The following ADCY3 variants were observed in gnomAD, a reference collection of about 807,000 sequenced individuals.
The protein encoded by ADCY3 is adenylate cyclase type 3.
ADCY3 carries 70 observed loss-of-function variants against 119.4 expected under a neutral mutation model. The observed-to-expected ratio is 0.59, with a 90% CI of 0.48 to 0.72. The LOEUF is 0.72. Among genes scored for constraint, ADCY3 ranks in the 30% least tolerant of loss-of-function variants. ADCY3 has a pLI of 0.00. For missense variants in ADCY3, 1,238 were observed against 1,541.6 expected, an observed-to-expected ratio of 0.80 and a Z score of 3.30; for synonymous variants, 672 against 621.4, an observed-to-expected ratio of 1.08 and a Z score of -1.21.
At chr2:24,821,046 C>A (rs1667594183) in intron 20 of ADCY3, 198 bp from the exon 21 acceptor site, 1 of 704,798 alleles carries the variant, frequency 1.4e-6, no homozygotes. Context: ...TGTCAGCCGC[C>A]ACCCCCCCCC....
At chr2:24,870,313 C>T (rs557387746) in intron 3 of ADCY3, among the ~76,000 whole-genome samples, 4 of 122,216 alleles carry the variant, frequency 3.3e-5, no homozygotes, top group Non-Finnish European at 4.9e-5. Flanking sequence ...AAGACCAAGA[C>T]TCCATGTCAA....
In ADCY3 at chr2:24,838,563, G is replaced by C; in HGVS notation, c.1415C>G (p.Pro472Arg). 6.2e-7 allele frequency: 1 copy of C among 1,614,122 alleles called. No homozygotes were observed. Among genetic ancestry groups the C allele is most frequent in the Non-Finnish European group, 8.5e-7 (1 of 1,180,046 alleles). The change falls in exon 8 of 22, where the codon CCA becomes CGA. Residue 472 changes from proline to arginine, a missense_variant. Transcript: ENST00000679454. ...DCLKGEFDVEPGDGGSRCDYL... is the reference protein window; with the variant it reads ...DCLKGEFDVERGDGGSRCDYL... The stretch of plus-strand genomic sequence containing the variant: ...ATCACAGCGGCTGCCCCCATCGCCT[G>C]GCTCCACATCAAACTCCCCTTTCAG...
chr2:24,834,697 C>T lies in ADCY3; in HGVS notation c.1806-51G>A, dbSNP rs776267124. 3.7e-6 allele frequency: 6 copies of T among 1,604,910 alleles called. No homozygotes were observed. In the Admixed American group the frequency reaches 8.4e-5, roughly 22 times the overall value. On this transcript the variant is annotated intron_variant, in intron 10 of 21. Coordinates refer to ENST00000679454, the MANE Select transcript of ADCY3 (RefSeq NM_004036.5). This position sits in a 1 kb window ranked among gnomAD's most constrained non-coding sequence, Gnocchi z 4.2. ...TCCCAAATGCCACATCTGCCTTGGC[C>T]TAGCAGGGGGGCCGTATTTGGGATG...
At position 24,872,853 on chromosome 2, in the gene ADCY3, A is replaced by G; in HGVS notation, c.676-134T>C. 9.4e-7 allele frequency: 1 copy of G among 1,063,158 alleles called. No homozygotes were observed. Among genetic ancestry groups the G allele is most frequent in the Non-Finnish European group, 1.4e-6 (1 of 736,686 alleles). The allele number at this position is 1,063,158 out of a possible 1,614,324, so 65.9% of individuals were successfully genotyped here. ...ACCTCAAGTTGCCCAATGTCCAGGG[A>G]GGGGCCCAGCACAGCCTTGGACCCC... is the stretch of plus-strand genomic sequence containing the variant. On this transcript the variant is annotated intron_variant, in intron 2 of 21. Coordinates refer to ENST00000679454, the MANE Select transcript of ADCY3 (RefSeq NM_004036.5). This position sits in a 1 kb window ranked among gnomAD's most constrained non-coding sequence, Gnocchi z 4.4.
At chr2:24,846,021 A>G (rs1174027027) in intron 3 of ADCY3, among the ~76,000 whole-genome samples, 1 of 152,244 alleles carries the variant, frequency 6.6e-6, no homozygotes, top group Non-Finnish European at 1.5e-5. Flanking sequence ...AGGATTGGGG[A>G]ACCTCTGCCT....
At chr2:24,829,412 ATTTTTTTTTTT>A (rs67246369) in intron 13 of ADCY3, among the ~76,000 whole-genome samples, 5 of 63,790 alleles carry the variant, frequency 7.8e-5, no homozygotes, top group Admixed American at 4.8e-4. Context: ...GTGTGCTCCA[ATTTTTTTTTTT>A]TTTTTTTTTT....
rs1389586879 is a variant in ADCY3 at position 24,823,203 on chromosome 2, A to G, written c.2883+6T>C. The G allele has an allele frequency of 6.2e-7, 1 of 1,611,580 alleles. No homozygotes were observed. The highest frequency in any genetic ancestry group is 2.2e-5 in the East Asian group (1 of 44,852). The stretch of plus-strand genomic sequence containing the variant: ...GGCCAGAGTGCAGGGTGGGATGGGC[A>G]CTCACAGAGTCAAAATCTGAGATGA... On this transcript the variant is annotated splice_donor_region_variant and intron_variant, in intron 18 of 21. Transcript: ENST00000679454.
chr2:24,832,199 C>T lies in ADCY3; in HGVS notation c.1968-450G>A, dbSNP rs755640426. The T allele has an allele frequency of 4.4e-4, 72 of 162,470 alleles. 1 individual carries two copies. The highest frequency in any genetic ancestry group is 6.8e-4 in the Non-Finnish European group (51 of 74,628). 10.1% of individuals were successfully genotyped at this position (162,470 alleles called of 1,614,324 possible). A position where few individuals can be genotyped will look rare whatever the true frequency, so the allele number is the denominator to read the frequency against. ...GAACAGGACAAAGGCCCTGATGAGA[C>T]GGGCCGCCAGCTGAGTGCCGGCCTG... On this transcript the variant is annotated intron_variant, in intron 11 of 21. Transcript: ENST00000679454.
In ADCY3 at chr2:24,827,956, T is replaced by A; in HGVS notation, c.2378A>T (p.Tyr793Phe). The change falls in exon 14 of 22, where the codon TAT becomes TTT. Residue 793 changes from tyrosine (Y) to phenylalanine (F), a missense_variant. Physicochemically the swap from Tyr to Phe is conservative, Grantham distance 22. Transcript: ENST00000679454. ...TTCATCAAAGACGGGACGCCAGGCA[T>A]AGAGGTTGATGGTGGCCACGGCGCC... Reference protein sequence around the residue: ...VAGAVATINLYAWRPVFDEYD... With the variant: ...VAGAVATINLFAWRPVFDEYD... 1 of 1,614,152 alleles carries A rather than the reference T, an allele frequency of 6.2e-7. No individual in the cohort carries two copies. The highest frequency in any genetic ancestry group is 1.1e-5 in the South Asian group (1 of 91,084).
chr2:24,850,499 T>G (rs1410306450), intron 3 of ADCY3, among the ~76,000 whole-genome samples: 2 of 152,148 alleles, frequency 1.3e-5, no homozygotes, highest in African/African-American at 2.4e-5. Context: ...CAGCCTAGGA[T>G]TGCTCAGGGC....
intron 9 of ADCY3, among the ~76,000 whole-genome samples, chr2:24,836,599 C>CA: frequency 6.6e-6 from 1 of 152,336 alleles, no homozygotes; most frequent in East Asian, 1.9e-4. Context: ...AAAATGGTCT[C>CA]AGATCCTATA....
Position 24,822,608 on chromosome 2 carries a change from C to G in ADCY3, c.2906G>C (p.Arg969Pro). 1 of 1,613,948 alleles carries G rather than the reference C, an allele frequency of 6.2e-7. No homozygotes were observed. The highest frequency in any genetic ancestry group is 8.5e-7 in the Non-Finnish European group (1 of 1,179,944). The change falls in exon 19 of 22, where the codon CGG becomes CCG. Residue 969 changes from arginine (R) to proline (P), a missense_variant. Arg to Pro is a moderately radical substitution (Grantham distance 103). Coordinates refer to ENST00000679454, the MANE Select transcript of ADCY3 (RefSeq NM_004036.5). ...FDSLLDNPKF[R>P]VITKIKTIGS... is the part of the protein sequence containing the mutation. ...AATGGTTTTGATCTTGGTGATCACC[C>G]GGAACTTGGGATTGTCCAGGAGCTG...
intron 2 of ADCY3, among the ~76,000 whole-genome samples, chr2:24,886,561 C>T (rs905989984): frequency 1.3e-5 from 2 of 152,204 alleles, no homozygotes; most frequent in African/African-American, 2.4e-5. Flanking sequence ...CCTCCTGCTT[C>T]GCCTTGACAC....
Position 24,919,184 on chromosome 2 carries a change from A to G in ADCY3, c.-197T>C. On this transcript the variant is annotated splice_region_variant and 5_prime_UTR_variant, in exon 2 of 22. Transcript: ENST00000679454. This position sits in a 1 kb window ranked among gnomAD's most constrained non-coding sequence, Gnocchi z 5.5. ...GCACAGGTAGCACTGATCAGCTAGA[A>G]CTGAAAAGGGCATTGCTGAGTAGAA... 3.3e-6 allele frequency: 2 copies of G among 599,582 alleles called. No individual in the cohort carries two copies. The highest frequency in any genetic ancestry group is 3.0e-5 in the Admixed American group (1 of 33,408). The allele number at this position is 599,582 out of a possible 1,614,324, so 37.1% of individuals were successfully genotyped here. A position where few individuals can be genotyped will look rare whatever the true frequency, so the allele number is the denominator to read the frequency against.
rs75999515 is a variant in ADCY3, at chr2:24,918,827, C to T, written c.161G>A (p.Arg54Gln). 1.2e-6 allele frequency: 2 copies of T among 1,613,656 alleles called. No individual in the cohort carries two copies. Among genetic ancestry groups the T allele is most frequent in the South Asian group, 2.2e-5 (2 of 91,078 alleles). The change falls in exon 2 of 22, where the codon CGG becomes CAG. Residue 54 changes from arginine to glutamine, a missense_variant. By Grantham distance (43) the Arg-to-Gln change is conservative. Around this residue, in one of 7 missense-constraint regions of ADCY3, gnomAD observed 227 missense variants for 249.3 expected, o/e 0.91. Transcript: ENST00000679454. This position sits in a 1 kb window ranked among gnomAD's most constrained non-coding sequence, Gnocchi z 5.4. ...CAAGGACTCCGGCACGAAAGTCAGC[C>T]GCATGAAGCGAGGCAGGCACAGGCA... ...GSCLCLPRFMRLTFVPESLEN... is the reference protein window; with the variant it reads ...GSCLCLPRFMQLTFVPESLEN...
intron 7 of ADCY3, 49 bp downstream of exon 7, chr2:24,839,824 A>T (rs1202315960): frequency 1.2e-6 from 2 of 1,612,122 alleles, no homozygotes; most frequent in Admixed American, 1.7e-5. Flanking sequence ...GATGGAGGGG[A>T]CGGTCCCCTC....
At chr2:24,886,962 T>C (rs1677101134) in intron 2 of ADCY3, among the ~76,000 whole-genome samples, 1 of 152,266 alleles carries the variant, frequency 6.6e-6, no homozygotes, top group African/African-American at 2.4e-5. Context: ...TGACACCCCG[T>C]GGCTCACTCT....
chr2:24,912,101 G>A (rs1251433485), intron 2 of ADCY3, among the ~76,000 whole-genome samples: 4 of 152,160 alleles, frequency 2.6e-5, no homozygotes, highest in South Asian at 4.1e-4. Flanking sequence ...CTCGACCTAC[G>A]CACAATGTGT....
intron 2 of ADCY3, among the ~76,000 whole-genome samples, chr2:24,880,567 A>T (rs911988494): frequency 6.6e-6 from 1 of 152,246 alleles, no homozygotes. Context: ...AGCAGAAATA[A>T]TATTTCAAAT....
Sources: allele counts gnomAD v4.1 joint callset (sites outside exome capture counted in the v4.1 genomes callset), GRCh38; gene constraint gnomAD v4.1.1; regional missense constraint gnomAD v4.1.1; non-coding constraint Gnocchi (gnomAD v3.1); transcripts MANE v1.5; gene names NCBI Gene and HGNC (gene_info 2026-07-23, HGNC 2026-07-21).